Variants in CPD observed in about 807,000 individuals in gnomAD.
CPD encodes carboxypeptidase D, also known as metallocarboxypeptidase D.
A neutral mutation model predicts 138.3 loss-of-function variants in CPD; 69 were observed. That is an observed-to-expected ratio of 0.50 (90% CI 0.41 to 0.61). The LOEUF (loss-of-function observed/expected upper bound fraction) is 0.61, where lower values mean the gene tolerates loss of function less well. Ranked by LOEUF, CPD falls within the 20% of genes least tolerant of loss-of-function variation. The probability of loss-of-function intolerance (pLI) is 0.00; values close to 1 mark genes in which losing one functional copy is unlikely to be tolerated. For synonymous variants in CPD, 651 were observed against 642.1 expected, an observed-to-expected ratio of 1.01 and a Z score of -0.21; for missense variants, 1,432 against 1,733.3, an observed-to-expected ratio of 0.83 and a Z score of 3.09.
At chr17:30,414,515 A>G (rs979265464) in intron 2 of CPD, among the ~76,000 whole-genome samples, 4 of 152,052 alleles carry the variant, frequency 2.6e-5, no homozygotes, top group African/African-American at 9.6e-5. Context: ...TCCGGGAGGC[A>G]GAGCTTGCAG....
chr17:30,389,097 C>T (rs904329176), intron 2 of CPD, among the ~76,000 whole-genome samples: 10 of 152,312 alleles, frequency 6.6e-5, no homozygotes, highest in East Asian at 5.8e-4. Context: ...ATTACTCCCC[C>T]GCTGTGCTGC....
At chr17:30,443,121 T>C (rs562523143) in intron 10 of CPD, among the ~76,000 whole-genome samples, 17 of 152,242 alleles carry the variant, frequency 1.1e-4, no homozygotes, top group Admixed American at 1.0e-3. Flanking sequence ...TAACATTTTG[T>C]TATATTTGCT....
intron 20 of CPD, among the ~76,000 whole-genome samples, chr17:30,464,218 C>G (rs914682889): frequency 6.6e-6 from 1 of 152,012 alleles, no homozygotes; most frequent in Non-Finnish European, 1.5e-5. Flanking sequence ...TGGCAAAACC[C>G]TATCTCTAGC....
chr17:30,439,104 T>G, intron 9 of CPD, 27 bp downstream of exon 9: 30 of 1,274,120 alleles, frequency 2.4e-5, no homozygotes, highest in Non-Finnish European at 3.2e-5. Context: ...ATCAAGGCCT[T>G]ACAACTTGAT....
chr17:30,422,920 T>C lies in CPD; in HGVS notation c.1554T>C (p.Asn518=), dbSNP rs1912306846. 5 of 1,613,974 alleles carry C rather than the reference T, an allele frequency of 3.1e-6. No individual in the cohort carries two copies. Among genetic ancestry groups the C allele is most frequent in the Non-Finnish European group, 4.2e-6 (5 of 1,179,960 alleles). Residue 518 remains asparagine, a synonymous_variant, in exon 5 of 21, where the codon AAT becomes AAC. Transcript: ENST00000225719. ...AAATCTTCTTGAGAAGGTTTGCCAA[T>C]GAATATCCTAACATTACCCGGCTTT... The part of the protein sequence containing the change: ...DMEIFLRRFA[N]EYPNITRLYS...
At chr17:30,459,168 T>G (rs1421903863) in intron 17 of CPD, among the ~76,000 whole-genome samples, 65 of 128,104 alleles carry the variant, frequency 5.1e-4, no homozygotes, top group African/African-American at 1.7e-3. Flanking sequence ...TTTTTTTGGT[T>G]GTTGTTTTCC....
At chr17:30,457,777 C>T (rs1300292626) in intron 17 of CPD, among the ~76,000 whole-genome samples, 2 of 152,072 alleles carry the variant, frequency 1.3e-5, no homozygotes, top group African/African-American at 4.8e-5. Flanking sequence ...GCAATCCCCC[C>T]ACCTCAGCCT....
At chr17:30,443,256 A>T (rs1412183406) in intron 10 of CPD, among the ~76,000 whole-genome samples, 1 of 152,184 alleles carries the variant, frequency 6.6e-6, no homozygotes, top group Non-Finnish European at 1.5e-5. Context: ...TCTCCTAAAA[A>T]TAAGGAGCTA....
chr17:30,457,448 G>A (rs1794345484), intron 17 of CPD, among the ~76,000 whole-genome samples: 1 of 152,152 alleles, frequency 6.6e-6, no homozygotes, highest in South Asian at 2.1e-4. Flanking sequence ...TTTGAACCCT[G>A]TGCTGCCATG....
chr17:30,462,579 T>C, intron 20 of CPD, 110 bp downstream of exon 20: 1 of 706,924 alleles, frequency 1.4e-6, no homozygotes, highest in Non-Finnish European at 2.4e-6. Flanking sequence ...ACTTGTCTTC[T>C]AATGTCTCCT....
intron 7 of CPD, 88 bp downstream of exon 7, chr17:30,427,646 T>C (rs1912455426): frequency 8.4e-7 from 1 of 1,186,340 alleles, no homozygotes; most frequent in African/African-American, 1.5e-5. Context: ...AGTGTTATGC[T>C]TTCTTAAAAT....
intron 2 of CPD, among the ~76,000 whole-genome samples, chr17:30,411,486 C>T (rs1007035708): frequency 6.6e-6 from 1 of 152,208 alleles, no homozygotes; most frequent in Non-Finnish European, 1.5e-5. Context: ...CCGTCACTTT[C>T]AGGTACACCA....
chr17:30,460,793 A>G (rs1413426986), intron 17 of CPD, among the ~76,000 whole-genome samples: 1 of 152,190 alleles, frequency 6.6e-6, no homozygotes, highest in Non-Finnish European at 1.5e-5. Flanking sequence ...GAGAGAGCTG[A>G]TGATCATTAT....
intron 6 of CPD, among the ~76,000 whole-genome samples, chr17:30,426,288 G>T (rs60062014): frequency 0.013 from 1,959 of 151,926 alleles, 46 homozygotes; most frequent in African/African-American, 0.046. Flanking sequence ...CCATGGTATC[G>T]CAGTAAAGAG....
At chr17:30,450,154 T>G (rs1223944694) in intron 13 of CPD, 1 of 148,788 alleles carries the variant, frequency 6.7e-6, no homozygotes, top group East Asian at 1.9e-4. Flanking sequence ...CCTCCTGGAT[T>G]CAAGCAATTA....
intron 2 of CPD, among the ~76,000 whole-genome samples, chr17:30,402,259 A>T (rs4567783): frequency 0.082 from 12,374 of 151,828 alleles, 619 homozygotes; most frequent in African/African-American, 0.14. Context: ...TTACTTTAAG[A>T]CTGTTTAATC....
intron 1 of CPD, among the ~76,000 whole-genome samples, chr17:30,384,434 C>T (rs549183032): frequency 6.6e-6 from 1 of 152,204 alleles, no homozygotes; most frequent in Non-Finnish European, 1.5e-5. Context: ...GCCATATTTT[C>T]TGTGGAATTT....
At chr17:30,462,804 T>C (rs1191969689) in intron 20 of CPD, among the ~76,000 whole-genome samples, 1 of 152,228 alleles carries the variant, frequency 6.6e-6, no homozygotes, top group Non-Finnish European at 1.5e-5. Context: ...CAGGTGTTTA[T>C]TAACAGCAAG....
At chr17:30,462,874 A>G (rs1913527984) in intron 20 of CPD, among the ~76,000 whole-genome samples, 1 of 152,132 alleles carries the variant, frequency 6.6e-6, no homozygotes, top group African/African-American at 2.4e-5. Flanking sequence ...TTTATGGGAA[A>G]CGAAGGGATG....
Sources: gnomAD v4.1 joint callset for allele counts (sites outside exome capture counted in the v4.1 genomes callset) on GRCh38, gnomAD v4.1.1 for gene constraint, MANE v1.5 for transcripts, NCBI Gene and HGNC (gene_info 2026-07-23, HGNC 2026-07-21) for gene names.